The following DNAJA2 variants were observed in gnomAD, a reference collection of about 807,000 sequenced individuals.
DNAJA2 encodes DnaJ heat shock protein family (Hsp40) member A2.
In DNAJA2, 6 loss-of-function variants were observed where a neutral mutation model predicts 49.3. The observed-to-expected ratio is 0.12, with a 90% CI of 0.07 to 0.24. The LOEUF (loss-of-function observed/expected upper bound fraction) is 0.24. Ranked by LOEUF, DNAJA2 falls within the 10% of genes least tolerant of loss-of-function variation. The pLI is 1.00. For missense variants in DNAJA2, 347 were observed against 516.8 expected (o/e 0.67, Z 3.19); for synonymous variants, 160 against 172.7 (o/e 0.93, Z 0.58).
chr16:46,958,939 A>G, intron 8 of DNAJA2, 64 bp downstream of exon 8: 1 of 1,536,028 alleles, frequency 6.5e-7, no homozygotes, highest in East Asian at 2.3e-5. Context: ...GACCCTGTCT[A>G]AAAAACCAAA....
chr16:46,967,507 A>T lies in DNAJA2; in HGVS notation c.577+6T>A, dbSNP rs1415489863. The T allele has an allele frequency of 1.2e-6, 2 of 1,614,114 alleles. No individual in the cohort carries two copies. Among genetic ancestry groups the T allele is most frequent in the Non-Finnish European group, 1.7e-6 (2 of 1,179,996 alleles). ...CATAAAAGCAGAGAAGTACTGGCAC[A>T]CATACCTTCTCCATTACAATCAGAG... On this transcript the variant is annotated splice_donor_region_variant and intron_variant, in intron 5 of 8. Transcript: ENST00000317089.
rs1293736553 is a variant in DNAJA2, at chr16:46,957,009, G to A, written c.*20C>T. ...GCAAATGTGGAAAGAAAATCCACCT[G>A]TGCAATTTGTTTGCAGAGTTTACTG... On this transcript the variant is annotated 3_prime_UTR_variant, in exon 9 of 9. Transcript: ENST00000317089. The A allele has an allele frequency of 6.2e-7, 1 of 1,613,794 alleles. No individual in the cohort carries two copies. Among genetic ancestry groups the A allele is most frequent in the Non-Finnish European group, 8.5e-7 (1 of 1,179,694 alleles).
At chr16:46,970,686 G>C (rs1380073160) in intron 3 of DNAJA2, among the ~76,000 whole-genome samples, 1 of 126,066 alleles carries the variant, frequency 7.9e-6, no homozygotes, top group Non-Finnish European at 1.6e-5. Context: ...AGTGAGCCTA[G>C]ATGGTGCCAC....
At chr16:46,970,730 CAAAAAAA>C (rs10523905) in intron 3 of DNAJA2, among the ~76,000 whole-genome samples, 2,153 of 32,210 alleles carry the variant, frequency 0.067, 136 homozygotes, top group South Asian at 0.22. Context: ...GACTCCATTT[CAAAAAAA>C]AAAAAAAAAA....
At chr16:46,967,474 C>A (rs1013878096) in intron 5 of DNAJA2, 39 bp downstream of exon 5, 7 of 1,611,840 alleles carry the variant, frequency 4.3e-6, no homozygotes, top group Non-Finnish European at 5.9e-6. Context: ...ATTCCCAATC[C>A]ATTCCAACAT....
In DNAJA2 at chr16:46,956,346, TTA is replaced by T. The variant is rs1222039330; in HGVS notation, c.*681_*682del. On this transcript the variant is annotated 3_prime_UTR_variant, in exon 9 of 9. Coordinates refer to ENST00000317089, the MANE Select transcript of DNAJA2 (RefSeq NM_005880.4). ...GAACCAGTACTAAGGATACATTCTT[TTA>T]TGTTTTTCCTTCTAAAAATGTGACA... The T allele has an allele frequency of 6.6e-6, 1 of 152,140 alleles. No individual in the cohort carries two copies. Among genetic ancestry groups the T allele is most frequent in the Non-Finnish European group, 1.5e-5 (1 of 68,058 alleles). The allele number at this position is 152,140 out of a possible 1,614,324, so 9.4% of individuals were successfully genotyped here.
chr16:46,966,136 T>G (rs1233316395), intron 5 of DNAJA2, among the ~76,000 whole-genome samples: 1 of 151,996 alleles, frequency 6.6e-6, no homozygotes, highest in African/African-American at 2.4e-5. Context: ...GGGGCTGAGG[T>G]GGAAGGATTG....
intron 6 of DNAJA2, among the ~76,000 whole-genome samples, chr16:46,960,892 G>A (rs1961887178): frequency 6.6e-6 from 1 of 151,810 alleles, no homozygotes; most frequent in Non-Finnish European, 1.5e-5. Flanking sequence ...AACTAGGCTA[G>A]TTGAGGCAGG....
chr16:46,956,775 C>A lies in DNAJA2; in HGVS notation c.*254G>T. 2.7e-6 allele frequency: 1 copy of A among 371,842 alleles called. No homozygotes were observed. Among genetic ancestry groups the A allele is most frequent in the Non-Finnish European group, 4.8e-6 (1 of 206,406 alleles). The allele number at this position is 371,842 out of a possible 1,614,324, so 23.0% of individuals were successfully genotyped here. A position where few individuals can be genotyped will look rare whatever the true frequency, so the allele number is the denominator to read the frequency against. The stretch of plus-strand genomic sequence containing the variant: ...TACCAGGATTGAAACTTATAATAAT[C>A]CATGTGTGAAAGGGAGTCTTGTTTC... On this transcript the variant is annotated 3_prime_UTR_variant, in exon 9 of 9. Transcript: ENST00000317089.
At chr16:46,961,525 C>T (rs1961894967) in intron 6 of DNAJA2, among the ~76,000 whole-genome samples, 1 of 149,456 alleles carries the variant, frequency 6.7e-6, no homozygotes, top group Admixed American at 6.7e-5. Flanking sequence ...CCCATCTCTA[C>T]TAAAAATACA....
At chr16:46,972,096 T>C in intron 1 of DNAJA2, 141 bp from the exon 2 acceptor site, 1 of 659,868 alleles carries the variant, frequency 1.5e-6, no homozygotes, top group East Asian at 2.7e-5. Flanking sequence ...TAGGGATTCT[T>C]CGGCACTTTC....
intron 8 of DNAJA2, among the ~76,000 whole-genome samples, chr16:46,958,100 A>G (rs1191896563): frequency 1.3e-5 from 2 of 152,178 alleles, no homozygotes; most frequent in Non-Finnish European, 2.9e-5. Flanking sequence ...GAACTTCGGG[A>G]GGCAGGAGGA....
At chr16:46,958,943 A>C in intron 8 of DNAJA2, 60 bp downstream of exon 8, 1 of 1,541,414 alleles carries the variant, frequency 6.5e-7, no homozygotes, top group Non-Finnish European at 8.7e-7. Context: ...CTGTCTAAAA[A>C]ACCAAAAACC....
intron 3 of DNAJA2, among the ~76,000 whole-genome samples, chr16:46,969,489 A>T (rs898929090): frequency 6.6e-6 from 1 of 152,344 alleles, no homozygotes; most frequent in South Asian, 2.1e-4. Context: ...AAAAATACAC[A>T]TCTCAACAAA....
rs150811586 is a variant in DNAJA2, at chr16:46,963,117, T to C, written c.774+1494A>G. ...CAAATTTACCATTTCTCCGTGTTCA[T>C]TGGGCTTATGCATAGGAGAAAATTT... On this transcript the variant is annotated intron_variant, in intron 6 of 8. Coordinates refer to ENST00000317089, the MANE Select transcript of DNAJA2 (RefSeq NM_005880.4). Among the ~76,000 whole-genome samples the C allele has an allele frequency of 1.2e-3, 182 of 152,302 alleles. 2 individuals carry two copies. The highest frequency in any genetic ancestry group is 3.8e-3 in the African/African-American group (156 of 41,572).
chr16:46,971,447 G>C lies in DNAJA2; in HGVS notation c.264C>G (p.Phe88Leu), dbSNP rs1962046104. 1 of 1,613,902 alleles carries C rather than the reference G, an allele frequency of 6.2e-7. No homozygotes were observed. The highest frequency in any genetic ancestry group is 1.3e-5 in the African/African-American group (1 of 74,896). The change falls in exon 3 of 9, where the codon TTC becomes TTG. Residue 88 changes from phenylalanine (F) to leucine (L), a missense_variant. Physicochemically the swap from Phe to Leu is conservative, Grantham distance 22 (BLOSUM62 0). Transcript: ENST00000317089. The stretch of plus-strand genomic sequence containing the variant: ...ACAATCCCCCACCAAAAATGTGAGA[G>C]AAAATATCATCCATGCCACCACCTC... ...SGGGGGMDDI[F>L]SHIFGGGLFG...
Position 46,955,919 on chromosome 16 carries a change from T to C in DNAJA2, c.*1110A>G, listed in dbSNP as rs1262289966. 1 of 152,200 alleles carries C rather than the reference T, an allele frequency of 6.6e-6. No individual in the cohort carries two copies. Among genetic ancestry groups the C allele is most frequent in the African/African-American group, 2.4e-5 (1 of 41,462 alleles). 9.4% of individuals were successfully genotyped at this position (152,200 alleles called of 1,614,324 possible). A position where few individuals can be genotyped will look rare whatever the true frequency, so the allele number is the denominator to read the frequency against. ...TACAACAATGCATATTTCAGTTGCC[T>C]TCATTCTTAAATTCTGAATAAGCAT... is the stretch of plus-strand genomic sequence containing the variant. On this transcript the variant is annotated 3_prime_UTR_variant, in exon 9 of 9. Transcript: ENST00000317089.
In DNAJA2 at chr16:46,956,292, A is replaced by C. The variant is rs1961809399; in HGVS notation, c.*737T>G. The C allele has an allele frequency of 1.3e-5, 2 of 152,204 alleles. No homozygotes were observed. Among genetic ancestry groups the C allele is most frequent in the Non-Finnish European group, 2.9e-5 (2 of 68,050 alleles). The allele number at this position is 152,204 out of a possible 1,614,324, so 9.4% of individuals were successfully genotyped here. On this transcript the variant is annotated 3_prime_UTR_variant, in exon 9 of 9. Transcript: ENST00000317089. ...GGCATAGGCCTGAGATATAAGCTTC[A>C]GGCCAATGGGTTTTTATGGGCTGTT...
Position 46,967,636 on chromosome 16 carries a change from T to C in DNAJA2, c.454A>G (p.Lys152Glu), listed in dbSNP as rs1172183733. 6.2e-7 allele frequency: 1 copy of C among 1,614,158 alleles called. No homozygotes were observed. The change falls in exon 5 of 9, where the codon AAG (lysine) becomes GAG (glutamate). Residue 152 changes from lysine to glutamate, a missense_variant. Coordinates refer to ENST00000317089, the MANE Select transcript of DNAJA2 (RefSeq NM_005880.4). ...CTACACTTTTGGACAGCTCCAGACT[T>C]TCCGCCTTGGCTAAAGCAAGCACAA... ...LCSACSGQGG[K>E]SGAVQKCSAC...
Sources: allele counts gnomAD v4.1 joint callset (sites outside exome capture counted in the v4.1 genomes callset), GRCh38; gene constraint gnomAD v4.1.1; transcripts MANE v1.5; gene names NCBI Gene and HGNC (gene_info 2026-07-23, HGNC 2026-07-21).